The following PLA2G6 variants were observed in gnomAD, a reference collection of about 807,000 sequenced individuals.
The protein encoded by PLA2G6 is 85/88 kDa calcium-independent phospholipase A2.
A neutral mutation model predicts 83.8 loss-of-function variants in PLA2G6; 62 were observed. The observed-to-expected ratio is 0.74, with a 90% confidence interval of 0.60 to 0.91. The LOEUF is 0.91. Ranked by LOEUF, PLA2G6 falls within the 40% of genes least tolerant of loss-of-function variation. The pLI is 0.00. For missense variants in PLA2G6, 944 were observed against 1,102.0 expected (o/e 0.86, Z 2.03); for synonymous variants, 417 against 449.8 (o/e 0.93, Z 0.92).
intron 2 of PLA2G6, chr22:38,163,789 A>C (rs1602249820): frequency 6.1e-6 from 1 of 164,626 alleles, no homozygotes. Context: ...TCTCGCAGAG[A>C]CCTGCCGCTT....
Position 38,127,265 on chromosome 22 carries a change from G to T in PLA2G6, c.1349-816C>A, listed in dbSNP as rs2087917745. On this transcript the variant is annotated intron_variant, in intron 9 of 16. Coordinates refer to ENST00000332509, the MANE Select transcript of PLA2G6 (RefSeq NM_003560.4). ...CACAGTGAACAAGGGAAGCAGAAGAGTGGCTGAGAGAGGCCGGGGACAGGG... is the reference window on the plus strand; with the variant it reads ...CACAGTGAACAAGGGAAGCAGAAGATTGGCTGAGAGAGGCCGGGGACAGGG... 2.4e-6 allele frequency: 3 copies of T among 1,232,434 alleles called. No individual in the cohort carries two copies. The South Asian group carries it at 4.2e-5, about 17-fold the overall frequency. The allele number at this position is 1,232,434 out of a possible 1,614,324, so 76.3% of individuals were successfully genotyped here.
intron 1 of PLA2G6, among the ~76,000 whole-genome samples, chr22:38,175,080 T>G (rs133014): frequency 0.51 from 77,921 of 151,974 alleles, 20,535 homozygotes; most frequent in South Asian, 0.64. Flanking sequence ...GCCCTCTGAT[T>G]GCTGCTACCT....
chr22:38,178,494 G>A (rs1289686989), intron 1 of PLA2G6, among the ~76,000 whole-genome samples: 1 of 152,134 alleles, frequency 6.6e-6, no homozygotes, highest in Non-Finnish European at 1.5e-5. Flanking sequence ...GATTGCTTAA[G>A]TCTAGCAGGT....
At chr22:38,169,534 C>T (rs1290520721) in intron 1 of PLA2G6, 63 bp from the exon 2 acceptor site, 2 of 916,666 alleles carry the variant, frequency 2.2e-6, no homozygotes, top group Non-Finnish European at 3.5e-6. Context: ...TCACCCAGTG[C>T]AGCGGTTTCC....
At chr22:38,149,918 G>A (rs1459974137) in intron 2 of PLA2G6, 1 of 151,242 alleles carries the variant, frequency 6.6e-6, no homozygotes, top group Non-Finnish European at 1.5e-5. Flanking sequence ...TTAGGCAAAA[G>A]AGTGAAACTC....
chr22:38,129,622 G>T, intron 7 of PLA2G6, 60 bp from the exon 8 acceptor site: 1 of 1,290,192 alleles, frequency 7.8e-7, no homozygotes, highest in Non-Finnish European at 1.1e-6. Flanking sequence ...GAACAAAGGG[G>T]CCCCTGGCTG....
chr22:38,180,412 C>T (rs1354799736), intron 1 of PLA2G6: 1 of 152,218 alleles, frequency 6.6e-6, no homozygotes, highest in Non-Finnish European at 1.5e-5. Flanking sequence ...CATGCGCCCT[C>T]TTTTTCTCAT....
At chr22:38,151,398 C>T (rs1482451089) in intron 2 of PLA2G6, among the ~76,000 whole-genome samples, 3 of 152,092 alleles carry the variant, frequency 2.0e-5, no homozygotes, top group Non-Finnish European at 4.4e-5. Context: ...AACCACCACA[C>T]CTGGCTAATT....
At chr22:38,112,801 C>T (rs2086959731) in intron 15 of PLA2G6, 2 of 602,504 alleles carry the variant, frequency 3.3e-6, no homozygotes, top group Non-Finnish European at 6.0e-6. Flanking sequence ...CAGCAGTGCC[C>T]TTTCAGGGAT....
At chr22:38,170,083 A>G (rs1317408372) in intron 1 of PLA2G6, among the ~76,000 whole-genome samples, 1 of 151,858 alleles carries the variant, frequency 6.6e-6, no homozygotes, top group Non-Finnish European at 1.5e-5. Flanking sequence ...CTGTAGTCCC[A>G]GCTGCCCGGG....
intron 4 of PLA2G6, chr22:38,140,910 G>A (rs1312179525): frequency 6.6e-6 from 1 of 152,390 alleles, no homozygotes; most frequent in African/African-American, 2.4e-5. Context: ...TAGCTGGCGT[G>A]GCCTGGGTGT....
intron 2 of PLA2G6, among the ~76,000 whole-genome samples, chr22:38,156,254 A>G (rs2145875882): frequency 6.6e-6 from 1 of 152,310 alleles, no homozygotes; most frequent in East Asian, 1.9e-4. Flanking sequence ...CACTTTCAGC[A>G]TTAGACAGTT....
At chr22:38,121,138 G>T in intron 11 of PLA2G6, 1 of 490,652 alleles carries the variant, frequency 2.0e-6, no homozygotes, top group African/African-American at 1.9e-5. Flanking sequence ...AGCACTTTGG[G>T]AGGCTGAGGC....
intron 12 of PLA2G6, among the ~76,000 whole-genome samples, chr22:38,117,391 T>C (rs1478551654): frequency 1.3e-5 from 2 of 152,048 alleles, no homozygotes; most frequent in African/African-American, 4.8e-5. Flanking sequence ...GTATTTTTAG[T>C]AGAGATGGGG....
chr22:38,155,743 A>G (rs2089752363), intron 2 of PLA2G6, among the ~76,000 whole-genome samples: 1 of 152,238 alleles, frequency 6.6e-6, no homozygotes, highest in Admixed American at 6.5e-5. Flanking sequence ...CACCTTCACT[A>G]AAAGGAGAAC....
Position 38,127,371 on chromosome 22 carries a change from C to T in PLA2G6, c.1348+898G>A, listed in dbSNP as rs578160932. ...GAGAGCTAGAGCTAATGCCGCATGG[C>T]TAGGCTCGGTGGCCTCTCCAGGCCC... On this transcript the variant is annotated intron_variant, in intron 9 of 16. Transcript: ENST00000332509. 1.4e-5 allele frequency: 18 copies of T among 1,309,448 alleles called. No homozygotes were observed. In the South Asian group the frequency reaches 2.1e-4, roughly 15 times the overall value. 81.1% of individuals were successfully genotyped at this position (1,309,448 alleles called of 1,614,324 possible). A position where few individuals can be genotyped will look rare whatever the true frequency, so the allele number is the denominator to read the frequency against.
At chr22:38,116,533 C>G in intron 12 of PLA2G6, 1 of 459,566 alleles carries the variant, frequency 2.2e-6, no homozygotes. Flanking sequence ...AAAAGGGGGC[C>G]GCACCAACAC....
chr22:38,125,254 G>A (rs1401108330), intron 10 of PLA2G6, among the ~76,000 whole-genome samples: 1 of 143,844 alleles, frequency 7.0e-6, no homozygotes, highest in Non-Finnish European at 1.6e-5. Context: ...CCATGTGTTT[G>A]CATGTGGGCA....
intron 13 of PLA2G6, 59 bp downstream of exon 13, chr22:38,116,016 C>G: frequency 6.3e-7 from 1 of 1,596,422 alleles, no homozygotes. Flanking sequence ...CTCCCACCCA[C>G]CACCCCACAG....
Sources: gnomAD v4.1 joint callset for allele counts (sites outside exome capture counted in the v4.1 genomes callset) on GRCh38, gnomAD v4.1.1 for gene constraint, MANE v1.5 for transcripts, NCBI Gene and HGNC (gene_info 2026-07-23, HGNC 2026-07-21) for gene names.